FRMD4A: variants seen among roughly 807,000 people sequenced by gnomAD.
FRMD4A encodes FERM domain containing 4A, also known as FERM domain-containing protein 4A.
FRMD4A carries 29 observed loss-of-function variants against 129.1 expected under a neutral mutation model. The observed-to-expected ratio is 0.22, with a 90% CI of 0.17 to 0.31. FRMD4A has a LOEUF of 0.31. Ranked by LOEUF, FRMD4A falls within the 10% of genes least tolerant of loss-of-function variation. FRMD4A has a pLI of 1.00. For synonymous variants in FRMD4A, 634 were observed against 571.6 expected, an observed-to-expected ratio of 1.11 and a Z score of -1.56; for missense variants, 1,272 against 1,375.8, an observed-to-expected ratio of 0.92 and a Z score of 1.19.
At chr10:14,174,534 GTTCA>G (rs3033997) in intron 2 of FRMD4A, among the ~76,000 whole-genome samples, 6,632 of 150,476 alleles carry the variant, frequency 0.044, 226 homozygotes, top group Non-Finnish European at 0.067. Flanking sequence ...GCGTTTGTTC[GTTCA>G]TTCATTCATT....
chr10:14,282,551 T>C (rs765932903), intron 2 of FRMD4A, among the ~76,000 whole-genome samples: 20 of 152,190 alleles, frequency 1.3e-4, no homozygotes, highest in Non-Finnish European at 2.5e-4. Context: ...AATACAGCCC[T>C]GTCACAAGCT....
intron 2 of FRMD4A, among the ~76,000 whole-genome samples, chr10:14,041,233 A>C (rs1426374764): frequency 6.6e-6 from 1 of 152,190 alleles, no homozygotes; most frequent in African/African-American, 2.4e-5. Context: ...AAGAAAACAG[A>C]GCTCTTTCTG....
intron 2 of FRMD4A, among the ~76,000 whole-genome samples, chr10:14,317,959 C>T (rs531189283): frequency 2.4e-4 from 37 of 152,166 alleles, no homozygotes; most frequent in Non-Finnish European, 4.4e-4. Context: ...AAAGGACCTC[C>T]GCTTCAAATT....
At chr10:13,985,533 C>G (rs543318389) in intron 2 of FRMD4A, among the ~76,000 whole-genome samples, 1 of 152,310 alleles carries the variant, frequency 6.6e-6, no homozygotes, top group East Asian at 1.9e-4. Context: ...CAGGCATATG[C>G]TAAGGTTGGG....
At chr10:13,995,819 CTTT>C (rs112271578) in intron 2 of FRMD4A, among the ~76,000 whole-genome samples, 3 of 144,336 alleles carry the variant, frequency 2.1e-5, no homozygotes, top group South Asian at 4.4e-4. Flanking sequence ...TTCCAGACTG[CTTT>C]TTTTTTTTTT....
At chr10:14,095,986 C>T (rs1193377024) in intron 2 of FRMD4A, among the ~76,000 whole-genome samples, 2 of 152,312 alleles carry the variant, frequency 1.3e-5, no homozygotes, top group East Asian at 3.8e-4. Context: ...TCATATGTGC[C>T]CAGTTGTGAG....
chr10:14,230,669 G>A (rs1392684043), intron 2 of FRMD4A, among the ~76,000 whole-genome samples: 2 of 152,154 alleles, frequency 1.3e-5, no homozygotes, highest in East Asian at 3.9e-4. Context: ...TACTTTTGCA[G>A]GTTTCTTACA....
chr10:14,165,378 T>G (rs1841118296), intron 2 of FRMD4A, among the ~76,000 whole-genome samples: 1 of 152,128 alleles, frequency 6.6e-6, no homozygotes, highest in Admixed American at 6.6e-5. Flanking sequence ...CTGGTGAAGT[T>G]GAGGGAAAAA....
chr10:14,071,914 G>T (rs909135710), intron 2 of FRMD4A, among the ~76,000 whole-genome samples: 4 of 152,022 alleles, frequency 2.6e-5, no homozygotes, highest in Non-Finnish European at 5.9e-5. Flanking sequence ...TGGTAGGAAG[G>T]GTTTCCTTCC....
chr10:13,690,975 A>G (rs57694100), intron 15 of FRMD4A, among the ~76,000 whole-genome samples: 2,440 of 152,264 alleles, frequency 0.016, 57 homozygotes, highest in African/African-American at 0.055. Flanking sequence ...TCTTAAAGAC[A>G]CTTGGATTTC....
At chr10:13,800,278 T>C (rs184788798) in intron 4 of FRMD4A, among the ~76,000 whole-genome samples, 1 of 152,350 alleles carries the variant, frequency 6.6e-6, no homozygotes, top group African/African-American at 2.4e-5. Flanking sequence ...GCACAGTGTA[T>C]AGCAACTGTT....
intron 9 of FRMD4A, among the ~76,000 whole-genome samples, chr10:13,741,250 GA>G (rs2090990385): frequency 1.3e-5 from 2 of 151,968 alleles, no homozygotes; most frequent in African/African-American, 4.8e-5. Context: ...AGGAGTTTGA[GA>G]CCAGCCTGGG....
At chr10:13,997,701 C>T (rs768253453) in intron 2 of FRMD4A, among the ~76,000 whole-genome samples, 7 of 150,562 alleles carry the variant, frequency 4.6e-5, no homozygotes, top group Admixed American at 2.0e-4. Context: ...TGGCTCACTG[C>T]AGCCTCGACC....
chr10:13,925,170 A>T (rs1259873341), intron 2 of FRMD4A, among the ~76,000 whole-genome samples: 1 of 151,956 alleles, frequency 6.6e-6, no homozygotes. Context: ...ATCTGCACTT[A>T]CTTCTTTCAA....
chr10:13,835,471 T>A (rs1324894104), intron 3 of FRMD4A, among the ~76,000 whole-genome samples: 4 of 151,596 alleles, frequency 2.6e-5, no homozygotes, highest in Non-Finnish European at 1.5e-5. Context: ...AGGCGGTGAG[T>A]CGCAGGAGAG....
intron 3 of FRMD4A, among the ~76,000 whole-genome samples, chr10:13,836,135 C>G (rs1349674014): frequency 6.6e-6 from 1 of 152,206 alleles, no homozygotes; most frequent in Non-Finnish European, 1.5e-5. Context: ...GTAGCTGGGA[C>G]TACACGTGTG....
At chr10:13,701,543 C>A in intron 13 of FRMD4A, 65 bp from the exon 14 acceptor site, 1 of 1,522,364 alleles carries the variant, frequency 6.6e-7, no homozygotes, top group Non-Finnish European at 9.0e-7. Flanking sequence ...TCTCAGTCAA[C>A]AGCTTCTGTA....
At chr10:13,875,269 T>C (rs2094477214) in intron 2 of FRMD4A, among the ~76,000 whole-genome samples, 1 of 152,216 alleles carries the variant, frequency 6.6e-6, no homozygotes. Flanking sequence ...CACTGAGCAC[T>C]GTTTTCAAGT....
rs755872986 is a variant in FRMD4A at position 13,656,804 on chromosome 10, G to A, written c.2785C>T (p.Arg929Cys). The A allele has an allele frequency of 3.8e-6, 6 of 1,585,250 alleles. No homozygotes were observed. The highest frequency in any genetic ancestry group is 2.4e-5 in the East Asian group (1 of 41,758). ...GCGGTGGAACGCTGGTACCACTGGCGCAGCTCGTCTGAGACGGCGGCACGG... is the reference window on the plus strand; with the variant it reads ...GCGGTGGAACGCTGGTACCACTGGCACAGCTCGTCTGAGACGGCGGCACGG... ...AGRAAVSDELRQWYQRSTASH... is the reference protein window; with the variant it reads ...AGRAAVSDELCQWYQRSTASH... The change falls in exon 22 of 25, where the codon CGC (arginine) becomes TGC (cysteine). Residue 929 changes from arginine (R) to cysteine (C), a missense_variant. Arg to Cys is a radical substitution (Grantham distance 180). Around this residue, in one of 2 missense-constraint regions of FRMD4A, gnomAD observed 972 missense variants for 892.3 expected, o/e 1.09. Transcript: ENST00000357447.
Sources: allele counts gnomAD v4.1 joint callset (sites outside exome capture counted in the v4.1 genomes callset), GRCh38; gene constraint gnomAD v4.1.1; regional missense constraint gnomAD v4.1.1; transcripts MANE v1.5; gene names NCBI Gene and HGNC (gene_info 2026-07-23, HGNC 2026-07-21).